TRIM5: variants seen among roughly 807,000 people sequenced by gnomAD.
The protein encoded by TRIM5 is tripartite motif-containing protein 5.
TRIM5 carries 31 observed loss-of-function variants against 35.6 expected under a neutral mutation model. The ratio of observed to expected loss-of-function variants is 0.87; its 90% CI spans 0.65 to 1.18. TRIM5 has a LOEUF of 1.18. Among genes scored for constraint, TRIM5 ranks in the 50% most tolerant of loss-of-function variants. The pLI is 0.00. For missense variants in TRIM5, 609 were observed against 591.6 expected, an observed-to-expected ratio of 1.03 and a Z score of -0.31; for synonymous variants, 243 against 215.6, an observed-to-expected ratio of 1.13 and a Z score of -1.11.
chr11:5,613,002 CAT>C, the TRIM5 span: 1 of 152,170 alleles, frequency 6.6e-6, no homozygotes, highest in South Asian at 2.1e-4. Context: ...CTTAAAATTA[CAT>C]ATGTGGCTTA....
At chr11:5,638,773 A>G in the TRIM5 span, among the ~76,000 whole-genome samples, 2 of 152,216 alleles carry the variant, frequency 1.3e-5, no homozygotes, top group Non-Finnish European at 2.9e-5. Context: ...TTGTACCTGT[A>G]CAGAATGAAG....
the TRIM5 span, among the ~76,000 whole-genome samples, chr11:5,639,346 TA>T: frequency 6.6e-6 from 1 of 152,026 alleles, no homozygotes; most frequent in African/African-American, 2.4e-5. Flanking sequence ...AATGATTAGA[TA>T]TAAAGGTTGA....
chr11:5,679,654 C>G, intron 2 of TRIM5, 107 bp downstream of exon 2: 1 of 1,226,576 alleles, frequency 8.2e-7, no homozygotes, highest in Non-Finnish European at 1.1e-6. Context: ...AAAATAATCC[C>G]GGGTCTCAGG....
At chr11:5,661,572 T>C (rs1481837615), downstream of TRIM5, among the ~76,000 whole-genome samples, 1 of 152,170 alleles carries the variant, frequency 6.6e-6, no homozygotes, top group Non-Finnish European at 1.5e-5. Flanking sequence ...ATATGCCTAA[T>C]TAATGGCCCA....
the TRIM5 span, chr11:5,642,690 CT>C: frequency 0.88 from 1,252,944 of 1,429,798 alleles, 551,274 homozygotes; most frequent in East Asian, 1. Context: ...TCTGGTTTAT[CT>C]TTTTAATTCA....
chr11:5,646,731 T>C, the TRIM5 span, among the ~76,000 whole-genome samples: 1 of 152,180 alleles, frequency 6.6e-6, no homozygotes, highest in Non-Finnish European at 1.5e-5. Flanking sequence ...GTACTTGAAC[T>C]CTGTTCCCTG....
chr11:5,634,689 T>A, the TRIM5 span: 3 of 1,613,864 alleles, frequency 1.9e-6, no homozygotes, highest in Non-Finnish European at 2.5e-6. Flanking sequence ...CTTAGAAGCA[T>A]CCTAAATAAT....
the TRIM5 span, among the ~76,000 whole-genome samples, chr11:5,652,108 C>T: frequency 3.3e-5 from 5 of 151,842 alleles, no homozygotes; most frequent in Non-Finnish European, 5.9e-5. Flanking sequence ...GTATTTTCTC[C>T]GTTTTTTGTT....
At chr11:5,596,750 C>T in the TRIM5 span, 1 of 1,244,340 alleles carries the variant, frequency 8.0e-7, no homozygotes, top group Non-Finnish European at 1.2e-6. Flanking sequence ...CGGAACGGAG[C>T]AGAGTCGTGC....
At chr11:5,616,368 T>C in the TRIM5 span, among the ~76,000 whole-genome samples, 4 of 146,042 alleles carry the variant, frequency 2.7e-5, 2 homozygotes, top group African/African-American at 1.0e-4. Flanking sequence ...TCTAGGTAAA[T>C]AATATAGTTA....
chr11:5,638,286 T>G, the TRIM5 span, among the ~76,000 whole-genome samples: 2 of 152,206 alleles, frequency 1.3e-5, no homozygotes, highest in Non-Finnish European at 2.9e-5. Flanking sequence ...AGTCAAAATA[T>G]AGGGAAGAAA....
chr11:5,660,058 C>T (rs1459912174), downstream of TRIM5, among the ~76,000 whole-genome samples: 4 of 152,012 alleles, frequency 2.6e-5, no homozygotes, highest in African/African-American at 9.7e-5. Flanking sequence ...CTCACTGCAA[C>T]CTCTGCCTCC....
chr11:5,655,774 A>G, the TRIM5 span: 1 of 775,772 alleles, frequency 1.3e-6, no homozygotes, highest in Non-Finnish European at 1.6e-6. Context: ...TCAGTGCTAC[A>G]TTTTAATTAA....
At chr11:5,593,484 C>T in the TRIM5 span, among the ~76,000 whole-genome samples, 5 of 152,198 alleles carry the variant, frequency 3.3e-5, no homozygotes, top group African/African-American at 4.8e-5. Context: ...AAAATATATT[C>T]GAGCATATTA....
the TRIM5 span, chr11:5,610,113 G>T: frequency 1.2e-6 from 2 of 1,607,800 alleles, no homozygotes; most frequent in East Asian, 2.2e-5. Context: ...ACAGTCAGCA[G>T]TGTGGGAACT....
chr11:5,643,761 C>T, the TRIM5 span: 1 of 1,525,238 alleles, frequency 6.6e-7, no homozygotes, highest in Non-Finnish European at 8.8e-7. Flanking sequence ...TCTCCTGCAA[C>T]TGACTCATCT....
the TRIM5 span, among the ~76,000 whole-genome samples, chr11:5,650,343 T>C: frequency 3.9e-5 from 6 of 152,186 alleles, no homozygotes; most frequent in African/African-American, 1.4e-4. Context: ...ATATGAACAA[T>C]TGGTTGCACT....
At chr11:5,597,018 T>C in the TRIM5 span, 5 of 1,567,998 alleles carry the variant, frequency 3.2e-6, no homozygotes, top group Non-Finnish European at 4.3e-6. Context: ...TCATTATATC[T>C]TTATTTCTTT....
chr11:5,621,206 T>G, the TRIM5 span, among the ~76,000 whole-genome samples: 14 of 152,336 alleles, frequency 9.2e-5, no homozygotes, highest in African/African-American at 2.6e-4. Context: ...TGCACTCTCT[T>G]AAATTCCAGG....
Sources: gnomAD v4.1 joint callset for allele counts (sites outside exome capture counted in the v4.1 genomes callset) on GRCh38, gnomAD v4.1.1 for gene constraint, MANE v1.5 for transcripts, NCBI Gene and HGNC (gene_info 2026-07-23, HGNC 2026-07-21) for gene names.